ARB2A: variants seen among roughly 807,000 people sequenced by gnomAD.
ARB2A encodes ARB2 cotranscriptional regulator A.
At chr5:93,827,299 A>G in the ARB2A span, among the ~76,000 whole-genome samples, 5 of 152,312 alleles carry the variant, frequency 3.3e-5, no homozygotes, top group African/African-American at 9.6e-5. Context: ...TAACTGGTGT[A>G]AGATGGTATC....
the ARB2A span, among the ~76,000 whole-genome samples, chr5:94,041,489 G>A: frequency 1.3e-5 from 2 of 152,134 alleles, no homozygotes; most frequent in East Asian, 1.9e-4. Flanking sequence ...TGTGTGTGAT[G>A]TTTATATATG....
chr5:93,705,609 A>ATGTG, the ARB2A span, among the ~76,000 whole-genome samples: 8,574 of 128,548 alleles, frequency 0.067, 328 homozygotes, highest in Non-Finnish European at 0.081. Flanking sequence ...TTGGGAAAAA[A>ATGTG]TGTGTGTGTG....
the ARB2A span, among the ~76,000 whole-genome samples, chr5:93,766,204 A>C: frequency 6.6e-6 from 1 of 152,166 alleles, no homozygotes; most frequent in Non-Finnish European, 1.5e-5. Context: ...TAATTAAACT[A>C]AAGAGCTTCT....
chr5:93,760,923 C>G, the ARB2A span, among the ~76,000 whole-genome samples: 4 of 152,162 alleles, frequency 2.6e-5, no homozygotes, highest in African/African-American at 9.7e-5. Context: ...AACTAAAGAG[C>G]TTTTGTACGG....
chr5:93,755,590 T>C, the ARB2A span, among the ~76,000 whole-genome samples: 1 of 152,168 alleles, frequency 6.6e-6, no homozygotes. Flanking sequence ...AGGGAGAGCC[T>C]CCACTCCCAA....
the ARB2A span, among the ~76,000 whole-genome samples, chr5:93,664,702 A>T: frequency 6.6e-6 from 1 of 151,076 alleles, no homozygotes; most frequent in East Asian, 1.9e-4. Context: ...AATATGAATT[A>T]TACAAATAAA....
chr5:94,096,020 C>T, the ARB2A span, among the ~76,000 whole-genome samples: 2 of 152,112 alleles, frequency 1.3e-5, no homozygotes, highest in Admixed American at 6.5e-5. Context: ...ACCTTTCTTC[C>T]CATCAATTCT....
the ARB2A span, chr5:94,074,918 T>G: frequency 7.3e-6 from 4 of 548,268 alleles, no homozygotes; most frequent in Non-Finnish European, 1.3e-5. Flanking sequence ...TATTGTCTGC[T>G]TTGCATTATA....
At chr5:93,768,253 C>T in the ARB2A span, among the ~76,000 whole-genome samples, 1 of 151,102 alleles carries the variant, frequency 6.6e-6, no homozygotes, top group Non-Finnish European at 1.5e-5. Flanking sequence ...GCAGTGTATA[C>T]TGCTCAGGTG....
the ARB2A span, chr5:93,863,233 C>G: frequency 2.1e-4 from 32 of 152,116 alleles, no homozygotes; most frequent in Middle Eastern, 0.014. Context: ...GGAAATAGAG[C>G]CTGGCATAGC....
At chr5:93,826,711 C>A in the ARB2A span, among the ~76,000 whole-genome samples, 1 of 151,636 alleles carries the variant, frequency 6.6e-6, no homozygotes, top group African/African-American at 2.4e-5. Flanking sequence ...CGTCATTTAA[C>A]ATTAGGTATA....
At chr5:93,676,030 C>A in the ARB2A span, among the ~76,000 whole-genome samples, 1 of 152,180 alleles carries the variant, frequency 6.6e-6, no homozygotes, top group African/African-American at 2.4e-5. Flanking sequence ...CCCTTTTCAG[C>A]TGCACTTGTA....
chr5:93,958,528 A>T, the ARB2A span, among the ~76,000 whole-genome samples: 1 of 152,090 alleles, frequency 6.6e-6, no homozygotes. Flanking sequence ...ATTTCACAGG[A>T]TTAAAAATAT....
chr5:93,695,536 C>T, the ARB2A span, among the ~76,000 whole-genome samples: 1 of 152,176 alleles, frequency 6.6e-6, no homozygotes, highest in Non-Finnish European at 1.5e-5. Flanking sequence ...CAGGAAACAA[C>T]AGATGCTGGA....
chr5:93,947,008 C>T, the ARB2A span, among the ~76,000 whole-genome samples: 3 of 152,122 alleles, frequency 2.0e-5, no homozygotes, highest in Non-Finnish European at 2.9e-5. Flanking sequence ...TATTTTTTCT[C>T]ATTTCCTCTG....
the ARB2A span, among the ~76,000 whole-genome samples, chr5:93,663,533 A>G: frequency 2.0e-5 from 3 of 152,170 alleles, no homozygotes; most frequent in Non-Finnish European, 4.4e-5. Flanking sequence ...GGCTGAATAT[A>G]CACCCATCTC....
At chr5:93,707,105 G>A in the ARB2A span, among the ~76,000 whole-genome samples, 5 of 152,086 alleles carry the variant, frequency 3.3e-5, no homozygotes, top group South Asian at 1.0e-3. Context: ...TTATAATTCT[G>A]GCAAAACAAG....
the ARB2A span, among the ~76,000 whole-genome samples, chr5:93,714,466 T>C: frequency 6.6e-6 from 1 of 152,202 alleles, no homozygotes; most frequent in Non-Finnish European, 1.5e-5. Flanking sequence ...ACATGCAATT[T>C]TTAAGCTCAC....
chr5:93,889,635 C>T, the ARB2A span, among the ~76,000 whole-genome samples: 1 of 151,720 alleles, frequency 6.6e-6, no homozygotes, highest in Non-Finnish European at 1.5e-5. Context: ...TTATATTGCT[C>T]ATTAGATGGC....
Sources: gnomAD v4.1 joint callset for allele counts (sites outside exome capture counted in the v4.1 genomes callset) on GRCh38, gnomAD v4.1.1 for gene constraint, MANE v1.5 for transcripts, NCBI Gene and HGNC (gene_info 2026-07-23, HGNC 2026-07-21) for gene names.